Variants in MYO16 observed in about 807,000 individuals in gnomAD.
The protein encoded by MYO16 is unconventional myosin-XVI.
A neutral mutation model predicts 205.3 loss-of-function variants in MYO16; 94 were observed. The ratio of observed to expected loss-of-function variants is 0.46; its 90% CI spans 0.39 to 0.54. The LOEUF (loss-of-function observed/expected upper bound fraction) is 0.54, where lower values mean the gene tolerates loss of function less well. Ranked by LOEUF, MYO16 falls within the 20% of genes least tolerant of loss-of-function variation. MYO16 has a pLI of 0.00. For missense variants in MYO16, 2,315 were observed against 2,387.5 expected, an observed-to-expected ratio of 0.97 and a Z score of 0.63; for synonymous variants, 988 against 954.0, an observed-to-expected ratio of 1.04 and a Z score of -0.66.
intron 22 of MYO16, 146 bp downstream of exon 22, chr13:109,009,195 C>T (rs1166795387): frequency 2.0e-5 from 12 of 585,684 alleles, no homozygotes; most frequent in South Asian, 3.1e-5. Context: ...TATTGAGGTG[C>T]ACAAGTTATC....
intron 14 of MYO16, among the ~76,000 whole-genome samples, chr13:108,893,035 T>C (rs762209797): frequency 6.6e-6 from 1 of 152,224 alleles, no homozygotes; most frequent in African/African-American, 2.4e-5. Flanking sequence ...CATAAATAAA[T>C]GACTTCTAGT....
intron 21 of MYO16, among the ~76,000 whole-genome samples, chr13:109,005,935 A>G (rs1885373630): frequency 6.6e-6 from 1 of 152,146 alleles, no homozygotes; most frequent in South Asian, 2.1e-4. Flanking sequence ...ATCTAGGTGC[A>G]TGTAATTCTC....
chr13:108,568,724 T>TTATTA, the MYO16 span, among the ~76,000 whole-genome samples: 61 of 151,330 alleles, frequency 4.0e-4, no homozygotes, highest in Admixed American at 8.5e-4. Context: ...TATTATTATT[T>TTATTA]TTTGCTACTT....
intron 20 of MYO16, among the ~76,000 whole-genome samples, chr13:108,968,931 C>T (rs777580845): frequency 4.6e-5 from 7 of 152,158 alleles, no homozygotes; most frequent in Non-Finnish European, 1.0e-4. Flanking sequence ...TTCCAGAAGC[C>T]AAGAGACTTA....
chr13:108,497,428 A>G, the MYO16 span, among the ~76,000 whole-genome samples: 6 of 152,210 alleles, frequency 3.9e-5, no homozygotes, highest in Admixed American at 1.3e-4. Context: ...AACTTTTGTA[A>G]GCATATGAGG....
chr13:108,722,906 G>A (rs745927351), intron 3 of MYO16, among the ~76,000 whole-genome samples: 19 of 152,110 alleles, frequency 1.2e-4, no homozygotes, highest in Non-Finnish European at 2.2e-4. Flanking sequence ...CAGAACATCA[G>A]ATACAGAAAG....
At chr13:108,520,289 A>G in the MYO16 span, among the ~76,000 whole-genome samples, 1 of 152,194 alleles carries the variant, frequency 6.6e-6, no homozygotes, top group African/African-American at 2.4e-5. Context: ...AAACGATAAT[A>G]TGCACATTGT....
intron 23 of MYO16, among the ~76,000 whole-genome samples, chr13:109,039,448 C>T (rs554601920): frequency 5.3e-5 from 8 of 152,192 alleles, no homozygotes; most frequent in African/African-American, 9.6e-5. Flanking sequence ...TCTGCTCGGC[C>T]GTAAAGCAAA....
intron 6 of MYO16, among the ~76,000 whole-genome samples, chr13:108,799,095 A>G (rs2138962847): frequency 6.6e-6 from 1 of 152,338 alleles, no homozygotes; most frequent in East Asian, 1.9e-4. Context: ...TTATTTCAGT[A>G]ATGCTGGTTC....
chr13:108,629,742 G>C lies in MYO16; in HGVS notation c.-103G>C, dbSNP rs1879889634. 9.1e-7 allele frequency: 1 copy of C among 1,101,562 alleles called. No homozygotes were observed. Among genetic ancestry groups the C allele is most frequent in the African/African-American group, 1.5e-5 (1 of 64,760 alleles). 68.2% of individuals were successfully genotyped at this position (1,101,562 alleles called of 1,614,324 possible). On this transcript the variant is annotated 5_prime_UTR_variant, in exon 1 of 35. Transcript: ENST00000457511. ...GCAATAGTGCATCCTGAGGTAAACT[G>C]TTACCTGAGTAAGGGCTTTAAGTAA...
chr13:108,803,971 G>A (rs1193067683), intron 6 of MYO16, among the ~76,000 whole-genome samples: 1 of 152,192 alleles, frequency 6.6e-6, no homozygotes, highest in East Asian at 1.9e-4. Flanking sequence ...AATGCAAGAT[G>A]TATTAGGAGC....
intron 27 of MYO16, among the ~76,000 whole-genome samples, chr13:109,092,839 C>T (rs1888663601): frequency 6.6e-6 from 1 of 152,184 alleles, no homozygotes; most frequent in Non-Finnish European, 1.5e-5. Flanking sequence ...CTGGAAGGAA[C>T]AATCACTTTT....
Position 108,941,662 on chromosome 13 carries a change from G to A in MYO16, c.1926-16026G>A, listed in dbSNP as rs1273445175. On this transcript the variant is annotated intron_variant, in intron 16 of 34. Transcript: ENST00000457511. ...ACTGCACTCCAGCCTAGGCGACAGA[G>A]CAAGACTCAGTCTCAAAAAAAAAAA... Among the ~76,000 whole-genome samples, 4 of 123,992 alleles carry A rather than the reference G, an allele frequency of 3.2e-5. No homozygotes were observed. The Admixed American group carries it at 3.9e-4, about 12-fold the overall frequency. The allele number at this position is 123,992 out of a possible 152,430, so 81.3% of individuals were successfully genotyped here.
At chr13:108,754,050 C>G (rs1885337305) in intron 4 of MYO16, among the ~76,000 whole-genome samples, 1 of 152,226 alleles carries the variant, frequency 6.6e-6, no homozygotes, top group South Asian at 2.1e-4. Flanking sequence ...AGAAATGTTG[C>G]TGTCACAGCA....
intron 27 of MYO16, among the ~76,000 whole-genome samples, chr13:109,084,510 G>A (rs1888377810): frequency 6.6e-6 from 1 of 152,162 alleles, no homozygotes; most frequent in African/African-American, 2.4e-5. Context: ...CAGGCTGTAT[G>A]CCATACATCA....
intron 20 of MYO16, among the ~76,000 whole-genome samples, chr13:108,966,435 A>C (rs1883795850): frequency 6.6e-6 from 1 of 152,208 alleles, no homozygotes; most frequent in Non-Finnish European, 1.5e-5. Context: ...TATAATTGGA[A>C]ATACTTATAT....
intron 20 of MYO16, among the ~76,000 whole-genome samples, chr13:108,975,599 G>A (rs1197092230): frequency 6.6e-6 from 1 of 151,994 alleles, no homozygotes; most frequent in African/African-American, 2.4e-5. Context: ...ATCTCAAAAG[G>A]GTGTAAACAC....
In MYO16 at chr13:108,650,480, G is replaced by A. The variant is rs192466616; in HGVS notation, c.29-15406G>A. Among the ~76,000 whole-genome samples, 70 of 152,292 alleles carry A rather than the reference G, an allele frequency of 4.6e-4. No individual in the cohort carries two copies. The Middle Eastern group carries it at 0.02, about 44-fold the overall frequency. ...AATACCTTTCTGGCAGGAACAGTGA[G>A]CTGAGTCTCTTCCAACCGGAATTGA... On this transcript the variant is annotated intron_variant, in intron 1 of 34. Coordinates refer to ENST00000457511, the MANE Select transcript of MYO16 (RefSeq NM_001198950.3).
rs749098148 is a variant in MYO16, at chr13:108,961,595, G to T, written c.2094G>T (p.Arg698=). ...CAATATTGCACCTTGGAGACATTCG[G>T]TTTACTGCCCTGAATGAGGGGAACT... The part of the protein sequence containing the change: ...LAAILHLGDI[R]FTALNEGNSA... Residue 698 remains arginine, a synonymous_variant, in exon 18 of 35, where the codon CGG becomes CGT. Transcript: ENST00000457511. 4.3e-6 allele frequency: 7 copies of T among 1,614,108 alleles called. No individual in the cohort carries two copies. In the South Asian group the frequency reaches 6.6e-5, roughly 15 times the overall value.
Sources: allele counts gnomAD v4.1 joint callset (sites outside exome capture counted in the v4.1 genomes callset), GRCh38; gene constraint gnomAD v4.1.1; transcripts MANE v1.5; gene names NCBI Gene and HGNC (gene_info 2026-07-23, HGNC 2026-07-21).